AFM: variants seen among roughly 807,000 people sequenced by gnomAD.
The protein encoded by AFM is alpha-Alb.
Under a neutral mutation model 68.7 loss-of-function variants are expected in AFM, and 82 were observed. The ratio of observed to expected loss-of-function variants is 1.19; its 90% CI spans 1.00 to 1.43. The LOEUF (loss-of-function observed/expected upper bound fraction) is 1.43. Ranked by LOEUF, AFM falls within the 40% of genes most tolerant of loss-of-function variation. The pLI, the probability that AFM is intolerant of heterozygous loss-of-function variation, is 0.00. For synonymous variants in AFM, 250 were observed against 234.2 expected, an observed-to-expected ratio of 1.07 and a Z score of -0.61; for missense variants, 772 against 701.8, an observed-to-expected ratio of 1.10 and a Z score of -1.13.
In AFM at chr4:73,491,933, G is replaced by A. The variant is rs758902971; in HGVS notation, c.905G>A (p.Cys302Tyr). The A allele has an allele frequency of 6.2e-7, 1 of 1,613,944 alleles. No individual in the cohort carries two copies. The highest frequency in any genetic ancestry group is 1.3e-5 in the African/African-American group (1 of 75,032). The change falls in exon 8 of 15, where the codon TGC becomes TAC. Residue 302 changes from cysteine to tyrosine, a missense_variant. Coordinates refer to ENST00000226355, the MANE Select transcript of AFM (RefSeq NM_001133.2). The stretch of plus-strand genomic sequence containing the variant: ...TCTATCTCCAGCAAAATCAAAGAGT[G>A]CTGTGAAAAGAAAATACCAGAGCGC... ...QDSISSKIKE[C>Y]CEKKIPERGQ...
intron 12 of AFM, 45 bp from the exon 13 acceptor site, chr4:73,501,742 G>A (rs1438517192): frequency 6.3e-6 from 10 of 1,578,254 alleles, no homozygotes; most frequent in Non-Finnish European, 8.6e-6. Flanking sequence ...AGACGCTTCA[G>A]AAAGAAAGCG....
intron 13 of AFM, among the ~76,000 whole-genome samples, chr4:73,502,676 C>A (rs922364234): frequency 2.6e-5 from 4 of 152,170 alleles, no homozygotes; most frequent in Admixed American, 2.6e-4. Flanking sequence ...AACTCACACA[C>A]GTGATTCATT....
intron 8 of AFM, among the ~76,000 whole-genome samples, chr4:73,492,619 C>T (rs1721104679): frequency 6.9e-6 from 1 of 145,686 alleles, no homozygotes; most frequent in Non-Finnish European, 1.5e-5. Context: ...GTTAACCTTT[C>T]TGTGCTTTTT....
intron 7 of AFM, among the ~76,000 whole-genome samples, chr4:73,490,685 T>C (rs1407265872): frequency 2.0e-5 from 3 of 152,206 alleles, no homozygotes; most frequent in African/African-American, 7.2e-5. Context: ...GATATAATTA[T>C]AGATTTTCTG....
At chr4:73,488,909 C>T (rs1560410197) in intron 7 of AFM, 150 bp downstream of exon 7, 2 of 785,012 alleles carry the variant, frequency 2.5e-6, no homozygotes, top group African/African-American at 1.8e-5. Flanking sequence ...GAAATATAAA[C>T]ATTTTTATAA....
At chr4:73,487,534 A>G (rs1198976672) in intron 5 of AFM, among the ~76,000 whole-genome samples, 190 bp from the exon 6 acceptor site, 2 of 152,174 alleles carry the variant, frequency 1.3e-5, no homozygotes, top group African/African-American at 4.8e-5. Flanking sequence ...CATCAGCAAG[A>G]CTGGTCCTAC....
rs779796111 is a variant in AFM at position 73,484,238 on chromosome 4, C to T, written c.138-20C>T. On this transcript the variant is annotated intron_variant, in intron 2 of 14. Coordinates refer to ENST00000226355, the MANE Select transcript of AFM (RefSeq NM_001133.2). ...AAACTCTGCAACTGATCTTTGTATA[C>T]CCCATGTGAACTGTTGCAGCACCAT... 2 of 1,597,854 alleles carry T rather than the reference C, an allele frequency of 1.3e-6. No individual in the cohort carries two copies. The highest frequency in any genetic ancestry group is 1.3e-5 in the African/African-American group (1 of 74,166).
At chr4:73,500,851 T>C (rs945274916) in intron 12 of AFM, among the ~76,000 whole-genome samples, 3 of 152,200 alleles carry the variant, frequency 2.0e-5, no homozygotes, top group Admixed American at 1.3e-4. Flanking sequence ...GCAATATTCA[T>C]AGATTCACAG....
At chr4:73,498,425 A>T (rs1261844379) in intron 10 of AFM, among the ~76,000 whole-genome samples, 1 of 152,120 alleles carries the variant, frequency 6.6e-6, no homozygotes, top group South Asian at 2.1e-4. Context: ...AGCTAGGGCT[A>T]CAGACGTGAG....
chr4:73,488,186 A>G (rs1720964239), intron 6 of AFM, among the ~76,000 whole-genome samples: 2 of 152,178 alleles, frequency 1.3e-5, no homozygotes, highest in Non-Finnish European at 2.9e-5. Context: ...TAGTGCTTGC[A>G]AAGATAAATT....
At chr4:73,488,606 G>C (rs1318023150) in intron 6 of AFM, 24 bp from the exon 7 acceptor site, 1 of 1,591,080 alleles carries the variant, frequency 6.3e-7, no homozygotes, top group Admixed American at 1.8e-5. Flanking sequence ...AATTATTTTT[G>C]TGGTTTATCA....
At chr4:73,503,197 A>G (rs1265937813) in intron 14 of AFM, 87 bp downstream of exon 14, 7 of 1,033,658 alleles carry the variant, frequency 6.8e-6, no homozygotes, top group South Asian at 2.8e-5. Context: ...TTCTTTGTCT[A>G]TTTCTGGTTC....
intron 3 of AFM, among the ~76,000 whole-genome samples, chr4:73,485,083 T>C (rs570457818): frequency 6.6e-6 from 1 of 152,260 alleles, no homozygotes; most frequent in South Asian, 2.1e-4. Flanking sequence ...GAGGAAGCCA[T>C]AGCTTGAAAC....
chr4:73,487,944 C>T, intron 6 of AFM, 123 bp downstream of exon 6: 2 of 649,846 alleles, frequency 3.1e-6, no homozygotes, highest in Non-Finnish European at 5.3e-6. Flanking sequence ...TGGGGTGAGT[C>T]TGAGCCTACT....
chr4:73,485,755 A>C (rs1720882778), intron 3 of AFM, 107 bp from the exon 4 acceptor site: 1 of 800,980 alleles, frequency 1.2e-6, no homozygotes, highest in Non-Finnish European at 2.0e-6. Context: ...AAAGAGAAGG[A>C]GCTCTGTTGG....
Position 73,485,988 on chromosome 4 carries a change from G to A in AFM, c.397G>A (p.Val133Met), listed in dbSNP as rs771045271. The A allele has an allele frequency of 6.2e-7, 1 of 1,613,858 alleles. No homozygotes were observed. Among genetic ancestry groups the A allele is most frequent in the African/African-American group, 1.3e-5 (1 of 74,902 alleles). The change falls in exon 4 of 15, where the codon GTG (valine) becomes ATG (methionine). Residue 133 changes from valine (V) to methionine (M), a missense_variant. Val to Met is a conservative substitution (Grantham distance 21). Transcript: ENST00000226355. ...LCFFYNKKSD[V>M]GFLPPFPTLD... is the part of the protein sequence containing the mutation. The stretch of plus-strand genomic sequence containing the variant: ...TTTCTTCTATAACAAGAAATCTGAT[G>A]TGGGATTTCTGCCTCCTTTCCCTAC...
intron 10 of AFM, among the ~76,000 whole-genome samples, chr4:73,498,013 A>T (rs1721305180): frequency 6.6e-6 from 1 of 152,204 alleles, no homozygotes; most frequent in South Asian, 2.1e-4. Flanking sequence ...TGGCTTTCTC[A>T]CTGCCAATCT....
chr4:73,498,597 T>C (rs1365129060), intron 10 of AFM, among the ~76,000 whole-genome samples: 1 of 152,204 alleles, frequency 6.6e-6, no homozygotes, highest in Non-Finnish European at 1.5e-5. Context: ...AATGTATTAT[T>C]TATTGAAACT....
In AFM at chr4:73,486,967, C is replaced by A. The variant is rs201034893; in HGVS notation, c.483C>A (p.His161Gln). The change falls in exon 5 of 15, where the codon CAC (histidine) becomes CAA (glutamine). Residue 161 changes from histidine (H) to glutamine (Q), a missense_variant and splice_region_variant. Coordinates refer to ENST00000226355, the MANE Select transcript of AFM (RefSeq NM_001133.2). ...YESNRESLLN[H>Q]FLYEVARRNP... ...TCTCTTTCATTTTTATTTTTTATAG[C>A]TTTTTATATGAAGTTGCCAGAAGGA... 8 of 1,609,822 alleles carry A rather than the reference C, an allele frequency of 5.0e-6. No individual in the cohort carries two copies. The highest frequency in any genetic ancestry group is 5.9e-6 in the Non-Finnish European group (7 of 1,178,042).
Sources: allele counts gnomAD v4.1 joint callset (sites outside exome capture counted in the v4.1 genomes callset), GRCh38; gene constraint gnomAD v4.1.1; transcripts MANE v1.5; gene names NCBI Gene and HGNC (gene_info 2026-07-23, HGNC 2026-07-21).